PCSK1: variants seen among roughly 807,000 people sequenced by gnomAD.
PCSK1 encodes the protein proprotein convertase subtilisin/kexin type 1, also known as neuroendocrine convertase 1.
A neutral mutation model predicts 90.6 loss-of-function variants in PCSK1; 56 were observed. That is an observed-to-expected ratio of 0.62 (90% CI 0.50 to 0.77). The LOEUF (loss-of-function observed/expected upper bound fraction) is 0.77, where lower values mean the gene tolerates loss of function less well. Ranked by LOEUF, PCSK1 falls within the 30% of genes least tolerant of loss-of-function variation. The pLI, the probability that PCSK1 is intolerant of heterozygous loss-of-function variation, is 0.00. For synonymous variants in PCSK1, 348 were observed against 342.4 expected, an observed-to-expected ratio of 1.02 and a Z score of -0.18; for missense variants, 801 against 932.6, an observed-to-expected ratio of 0.86 and a Z score of 1.84.
chr5:96,416,066 C>G lies in PCSK1; in HGVS notation c.676G>C (p.Gly226Arg). 6.2e-7 allele frequency: 1 copy of G among 1,613,046 alleles called. No homozygotes were observed. Among genetic ancestry groups the G allele is most frequent in the Non-Finnish European group, 8.5e-7 (1 of 1,179,068 alleles). ...TTGGAATTGTATGCAACTCCAACCCCGCATTTGTGATTATTTGCTTGCATG... is the reference window on the plus strand; with the variant it reads ...TTGGAATTGTATGCAACTCCAACCCGGCATTTGTGATTATTTGCTTGCATG... ...IAMQANNHKC[G>R]VGVAYNSKVG... Residue 226 changes from glycine (G) to arginine (R), a missense_variant, in exon 6 of 14, where the codon GGG becomes CGG. Gly to Arg is a moderately radical substitution (Grantham distance 125). Coordinates refer to ENST00000311106, the MANE Select transcript of PCSK1 (RefSeq NM_000439.5).
intron 3 of PCSK1, 59 bp downstream of exon 3, chr5:96,425,761 A>G (rs1761287298): frequency 1.1e-6 from 1 of 917,896 alleles, no homozygotes; most frequent in African/African-American, 1.6e-5. Context: ...TGCAAATGTA[A>G]CAACATAAAG....
At chr5:96,413,450 G>T (rs1027693836) in intron 6 of PCSK1, among the ~76,000 whole-genome samples, 5 of 152,292 alleles carry the variant, frequency 3.3e-5, no homozygotes, top group African/African-American at 9.6e-5. Context: ...AAGGTAAAAT[G>T]ATATGAAATT....
At chr5:96,401,893 A>T (rs763567568) in intron 9 of PCSK1, among the ~76,000 whole-genome samples, 1 of 152,224 alleles carries the variant, frequency 6.6e-6, no homozygotes, top group Non-Finnish European at 1.5e-5. Flanking sequence ...AACATGCCTA[A>T]GTGCTAACTA....
chr5:96,431,562 G>C (rs554184520), intron 1 of PCSK1, among the ~76,000 whole-genome samples: 32 of 152,190 alleles, frequency 2.1e-4, no homozygotes, highest in African/African-American at 7.7e-4. Flanking sequence ...CCCCTAACAC[G>C]GAGCCTGGCA....
intron 6 of PCSK1, chr5:96,412,889 GCCCT>G: frequency 3.0e-5 from 10 of 329,986 alleles, no homozygotes; most frequent in East Asian, 1.4e-4. Flanking sequence ...CAAAATGTTT[GCCCT>G]CCCTCCCACC....
rs780003803 is a variant in PCSK1 at position 96,412,318 on chromosome 5, C to T, written c.882G>A (p.Gln294=). 2 of 1,613,494 alleles carry T rather than the reference C, an allele frequency of 1.2e-6. No homozygotes were observed. The highest frequency in any genetic ancestry group is 1.3e-5 in the African/African-American group (1 of 74,870). The part of the protein sequence containing the change: ...AQKAFEYGVK[Q]GRQGKGSIFV... ...TGTGGGTCTGTGTAAAGCATCTTAC[C>T]TGTTTGACACCATATTCAAAAGCCT... The change falls in exon 7 of 14, where the codon CAG becomes CAA. Residue 294 remains glutamine, a splice_region_variant and synonymous_variant. Transcript: ENST00000311106.
intron 12 of PCSK1, 106 bp downstream of exon 12, chr5:96,397,230 G>A: frequency 2.2e-6 from 2 of 925,838 alleles, no homozygotes; most frequent in South Asian, 2.8e-5. Context: ...TACTAAGAAG[G>A]GGTACAATTC....
chr5:96,412,750 A>ATTTTTTTTTTTTTTTTTTTTTTTTTTTT (rs1451878228), intron 6 of PCSK1, among the ~76,000 whole-genome samples: 1 of 63,388 alleles, frequency 1.6e-5, no homozygotes, highest in African/African-American at 7.9e-5. Flanking sequence ...GGCAGCTGTG[A>ATTTTTTTTTTTTTTTTTTTTTTTTTTTT]TGTTTTTTTT....
chr5:96,416,366 G>T (rs1760938897), intron 5 of PCSK1, among the ~76,000 whole-genome samples: 1 of 152,212 alleles, frequency 6.6e-6, no homozygotes, highest in Non-Finnish European at 1.5e-5. Flanking sequence ...CCTTGGGTAA[G>T]TTACTTGTCT....
chr5:96,422,100 C>T (rs768893917), intron 4 of PCSK1, 144 bp from the exon 5 acceptor site: 101 of 661,018 alleles, frequency 1.5e-4, no homozygotes, highest in Middle Eastern at 8.2e-4. Context: ...AGTTTCTGGC[C>T]GAGTCACTGA....
chr5:96,398,793 T>C, intron 11 of PCSK1, 86 bp downstream of exon 11: 2 of 1,120,190 alleles, frequency 1.8e-6, no homozygotes, highest in Admixed American at 1.7e-5. Context: ...GAGACTTTGT[T>C]CTATGAATAA....
In PCSK1 at chr5:96,394,894, T is replaced by C; in HGVS notation, c.1854A>G (p.Arg618=). ...CTGGATCCACCATCTTCTCCACCCC[T>C]CTTCTGTCATTCTGAACAGTGTTGT... ...TSYNTVQNDR[R]GVEKMVDPGE... is the part of the protein sequence containing the mutation. Residue 618 remains arginine (R), a synonymous_variant, in exon 13 of 14, where the codon AGA becomes AGG. Transcript: ENST00000311106. 6.2e-7 allele frequency: 1 copy of C among 1,614,116 alleles called. No homozygotes were observed.
In PCSK1 at chr5:96,412,312, T is replaced by C; in HGVS notation, c.882+6A>G. 1 of 1,613,006 alleles carries C rather than the reference T, an allele frequency of 6.2e-7. No individual in the cohort carries two copies. The highest frequency in any genetic ancestry group is 2.2e-5 in the East Asian group (1 of 44,878). ...ATTTCATGTGGGTCTGTGTAAAGCA[T>C]CTTACCTGTTTGACACCATATTCAA... On this transcript the variant is annotated splice_donor_region_variant and intron_variant, in intron 7 of 13. Coordinates refer to ENST00000311106, the MANE Select transcript of PCSK1 (RefSeq NM_000439.5).
At chr5:96,403,303 T>G (rs1422915949) in intron 9 of PCSK1, among the ~76,000 whole-genome samples, 1 of 152,214 alleles carries the variant, frequency 6.6e-6, no homozygotes, top group Non-Finnish European at 1.5e-5. Flanking sequence ...CTAGGGTACA[T>G]GTGCACAACG....
At chr5:96,415,958 C>A in intron 6 of PCSK1, 75 bp downstream of exon 6, 1 of 918,402 alleles carries the variant, frequency 1.1e-6, no homozygotes, top group Non-Finnish European at 1.8e-6. Flanking sequence ...AGAAAAGCTC[C>A]CCTCCCCCAT....
intron 1 of PCSK1, among the ~76,000 whole-genome samples, chr5:96,430,372 A>C (rs1761454221): frequency 6.6e-6 from 1 of 152,232 alleles, no homozygotes; most frequent in Non-Finnish European, 1.5e-5. Context: ...TGTTCTTTAA[A>C]TTGGTGATTC....
intron 3 of PCSK1, among the ~76,000 whole-genome samples, chr5:96,425,077 C>T (rs917293940): frequency 2.1e-5 from 3 of 140,032 alleles, no homozygotes; most frequent in Admixed American, 2.1e-4. Context: ...AGAAAGAAAA[C>T]GTAGGGTCAA....
At chr5:96,429,832 C>G (rs1231041996) in intron 1 of PCSK1, among the ~76,000 whole-genome samples, 2 of 152,142 alleles carry the variant, frequency 1.3e-5, no homozygotes, top group African/African-American at 2.4e-5. Context: ...CTTGAGTTCA[C>G]AGTATATTCA....
chr5:96,427,989 A>G (rs927936799), intron 2 of PCSK1, among the ~76,000 whole-genome samples: 4 of 152,158 alleles, frequency 2.6e-5, no homozygotes. Flanking sequence ...ATAACTTGAC[A>G]AAAAAGAGCT....
Sources: allele counts gnomAD v4.1 joint callset (sites outside exome capture counted in the v4.1 genomes callset), GRCh38; gene constraint gnomAD v4.1.1; transcripts MANE v1.5; gene names NCBI Gene and HGNC (gene_info 2026-07-23, HGNC 2026-07-21).